Variants in ADRA1A observed in about 807,000 individuals in gnomAD.
ADRA1A encodes alpha-1A adrenergic receptor.
In ADRA1A, 31 loss-of-function variants were observed where a neutral mutation model predicts 29.6. The ratio of observed to expected loss-of-function variants is 1.05; its 90% CI spans 0.79 to 1.41. The LOEUF (loss-of-function observed/expected upper bound fraction) is 1.41, where lower values mean the gene tolerates loss of function less well. Among genes scored for constraint, ADRA1A ranks in the 40% most tolerant of loss-of-function variants. The pLI is 0.00. For synonymous variants in ADRA1A, 311 were observed against 254.3 expected, an observed-to-expected ratio of 1.22 and a Z score of -2.12; for missense variants, 619 against 601.1, an observed-to-expected ratio of 1.03 and a Z score of -0.31.
chr8:26,782,276 C>T (rs535662738), intron 2 of ADRA1A, among the ~76,000 whole-genome samples: 69 of 152,186 alleles, frequency 4.5e-4, no homozygotes, highest in Non-Finnish European at 5.6e-4. Context: ...AGGGCCTGAC[C>T]TCTATCAGTC....
intron 2 of ADRA1A, among the ~76,000 whole-genome samples, chr8:26,845,164 A>C (rs1047935753): frequency 6.6e-6 from 1 of 152,160 alleles, no homozygotes; most frequent in African/African-American, 2.4e-5. Flanking sequence ...CAACCCACGA[A>C]TGAAAATATT....
At chr8:26,863,772 T>C (rs576873936) in intron 2 of ADRA1A, among the ~76,000 whole-genome samples, 1 of 152,222 alleles carries the variant, frequency 6.6e-6, no homozygotes, top group Admixed American at 6.5e-5. Context: ...AGAGAGCAGA[T>C]GCATTTAAAT....
intron 2 of ADRA1A, among the ~76,000 whole-genome samples, chr8:26,827,188 A>C (rs1347187006): frequency 1.3e-5 from 2 of 152,260 alleles, no homozygotes; most frequent in Non-Finnish European, 2.9e-5. Context: ...ACAATGATTC[A>C]TATTTATGAA....
chr8:26,802,152 A>G (rs1266703662), intron 2 of ADRA1A, among the ~76,000 whole-genome samples: 1 of 152,164 alleles, frequency 6.6e-6, no homozygotes, highest in East Asian at 1.9e-4. Context: ...ACTCTCCAGG[A>G]CGTTGGGCTG....
chr8:26,865,111 G>T lies in ADRA1A; in HGVS notation c.-142C>A. On this transcript the variant is annotated 5_prime_UTR_variant, in exon 2 of 3. Coordinates refer to ENST00000380573, the MANE Select transcript of ADRA1A (RefSeq NM_000680.4). This position sits in a 1 kb window ranked among gnomAD's most constrained non-coding sequence, Gnocchi z 7.6. Reference sequence around the variant, plus strand: ...GGTGGGTTTGGCTGGGGGTGAGAGCGCGCGCGCGGGTGGGAAACAACCCTG... The same window carrying T: ...GGTGGGTTTGGCTGGGGGTGAGAGCTCGCGCGCGGGTGGGAAACAACCCTG... The T allele has an allele frequency of 6.8e-7, 1 of 1,479,552 alleles. No homozygotes were observed. Among genetic ancestry groups the T allele is most frequent in the South Asian group, 1.4e-5 (1 of 72,958 alleles). The allele number at this position is 1,479,552 out of a possible 1,614,324, so 91.7% of individuals were successfully genotyped here. A position where few individuals can be genotyped will look rare whatever the true frequency, so the allele number is the denominator to read the frequency against.
At chr8:26,840,425 T>C (rs1349671201) in intron 2 of ADRA1A, among the ~76,000 whole-genome samples, 2 of 152,198 alleles carry the variant, frequency 1.3e-5, no homozygotes, top group African/African-American at 4.8e-5. Context: ...CTGGCTTCTA[T>C]ACAAACAACA....
In ADRA1A at chr8:26,825,155, CA is replaced by C. The variant is rs1436443408; in HGVS notation, c.883+38931del. 1.3e-5 allele frequency among the ~76,000 whole-genome samples: 2 copies of C among 152,194 alleles called. No individual in the cohort carries two copies. The highest frequency in any genetic ancestry group is 4.8e-5 in the African/African-American group (2 of 41,440). ...AGAGACCCCCAGCCCCCACATGTCCCACCCTGAGCTTGCTAGGCCTTCCAGG... is the reference window on the plus strand; with the variant it reads ...AGAGACCCCCAGCCCCCACATGTCCCCCCTGAGCTTGCTAGGCCTTCCAGG... On this transcript the variant is annotated intron_variant, in intron 2 of 2. Coordinates refer to ENST00000380573, the MANE Select transcript of ADRA1A (RefSeq NM_000680.4). The surrounding 1 kb of genome is among the most constrained non-coding windows in gnomAD (Gnocchi z 5.7).
intron 2 of ADRA1A, among the ~76,000 whole-genome samples, chr8:26,833,040 G>A (rs1163679503): frequency 1.3e-5 from 2 of 152,226 alleles, no homozygotes; most frequent in Non-Finnish European, 2.9e-5. Flanking sequence ...ACGGGTGCAC[G>A]ATCACATGTA....
Position 26,860,380 on chromosome 8 carries a change from C to G in ADRA1A, c.883+3707G>C, listed in dbSNP as rs994143764. Among the ~76,000 whole-genome samples the G allele has an allele frequency of 1.3e-5, 2 of 152,210 alleles. No homozygotes were observed. Among genetic ancestry groups the G allele is most frequent in the Admixed American group, 1.3e-4 (2 of 15,286 alleles). ...GACCGAGTCTGTGTCTCTTCACACACACACTCTCTGGGACTCACAGTAGGT... is the reference window on the plus strand; with the variant it reads ...GACCGAGTCTGTGTCTCTTCACACAGACACTCTCTGGGACTCACAGTAGGT... On this transcript the variant is annotated intron_variant, in intron 2 of 2. Coordinates refer to ENST00000380573, the MANE Select transcript of ADRA1A (RefSeq NM_000680.4). This position sits in a 1 kb window ranked among gnomAD's most constrained non-coding sequence, Gnocchi z 4.7.
rs1812357028 is a variant in ADRA1A at position 26,848,252 on chromosome 8, T to C, written c.883+15835A>G. ...TGGGATTTAAATTAGACACAGTAAG[T>C]GCCATGCAAGTACCACTAATATGGA... On this transcript the variant is annotated intron_variant, in intron 2 of 2. Transcript: ENST00000380573. The surrounding 1 kb of genome is among the most constrained non-coding windows in gnomAD (Gnocchi z 4.3). 6.6e-6 allele frequency among the ~76,000 whole-genome samples: 1 copy of C among 152,212 alleles called. No individual in the cohort carries two copies. The highest frequency in any genetic ancestry group is 2.4e-5 in the African/African-American group (1 of 41,448).
chr8:26,836,189 G>A (rs1467290657), intron 2 of ADRA1A: 2 of 248,152 alleles, frequency 8.1e-6, no homozygotes, highest in East Asian at 1.0e-4. Context: ...TGTCAAAAGG[G>A]GCAGTCTTGT....
downstream of ADRA1A, chr8:26,765,924 C>T: frequency 1.4e-6 from 2 of 1,473,790 alleles, no homozygotes; most frequent in Middle Eastern, 1.8e-4. Context: ...AACCATGAAA[C>T]CTACTGGGCC....
chr8:26,760,792 G>A (rs769839193), intron 2 of ADRA1A, among the ~76,000 whole-genome samples: 8 of 152,296 alleles, frequency 5.3e-5, no homozygotes, highest in East Asian at 3.9e-4. Context: ...CACCTGACTC[G>A]AGATGGCTGT....
intron 2 of ADRA1A, among the ~76,000 whole-genome samples, chr8:26,852,709 T>C (rs1812728499): frequency 6.6e-6 from 1 of 152,064 alleles, no homozygotes; most frequent in Non-Finnish European, 1.5e-5. Flanking sequence ...GGCCCGAATG[T>C]TTTATAGGCA....
At chr8:26,754,106 C>G (rs978052274), downstream of ADRA1A, among the ~76,000 whole-genome samples, 1 of 152,108 alleles carries the variant, frequency 6.6e-6, no homozygotes, top group African/African-American at 2.4e-5. Flanking sequence ...ACAGATGGAC[C>G]TGTAAAAATG....
chr8:26,856,723 A>T (rs1184198576), intron 2 of ADRA1A, among the ~76,000 whole-genome samples: 1 of 152,226 alleles, frequency 6.6e-6, no homozygotes, highest in Non-Finnish European at 1.5e-5. Context: ...CCTTAGCCAC[A>T]GGACATATTT....
rs146880108 is a variant in ADRA1A, at chr8:26,748,469, G to A, written c.*121C>T. The A allele has an allele frequency of 4.3e-3, 803 of 188,938 alleles. 9 individuals are homozygous for A. The highest frequency in any genetic ancestry group is 0.018 in the African/African-American group (747 of 41,780). 11.7% of individuals were successfully genotyped at this position (188,938 alleles called of 1,614,324 possible). ...AAAAAAAAATAGTTGGGCCGGGCAC[G>A]GTGGCTCACGCCTGTAATCCCAGCA... On this transcript the variant is annotated 3_prime_UTR_variant, in exon 3 of 3. Coordinates refer to the ADRA1A transcript ENST00000380586.
chr8:26,863,937 C>CAT, intron 2 of ADRA1A, 150 bp downstream of exon 2: 1 of 804,248 alleles, frequency 1.2e-6, no homozygotes, highest in Non-Finnish European at 1.9e-6. Flanking sequence ...ATTCACTTTT[C>CAT]TACAAGGGAG....
chr8:26,867,245 G>A lies in ADRA1A; in HGVS notation c.-996C>T, dbSNP rs781196960. The A allele has an allele frequency of 3.7e-4, 360 of 985,318 alleles. No individual in the cohort carries two copies. Among genetic ancestry groups the A allele is most frequent in the Non-Finnish European group, 4.0e-4 (336 of 829,974 alleles). 61.0% of individuals were successfully genotyped at this position (985,318 alleles called of 1,614,324 possible). On this transcript the variant is annotated 5_prime_UTR_variant, in exon 1 of 3. Coordinates refer to ENST00000380573, the MANE Select transcript of ADRA1A (RefSeq NM_000680.4). ...AGCTCCCCGACACCAGAAAAGAATA[G>A]CAAGGAACTTTGCAGCTCTCGCTGA...
Sources: allele counts gnomAD v4.1 joint callset (sites outside exome capture counted in the v4.1 genomes callset), GRCh38; gene constraint gnomAD v4.1.1; non-coding constraint Gnocchi (gnomAD v3.1); transcripts MANE v1.5; gene names NCBI Gene and HGNC (gene_info 2026-07-23, HGNC 2026-07-21).